Variants in SYN3 observed in about 807,000 individuals in gnomAD.
SYN3 encodes synapsin-3.
In SYN3, 35 loss-of-function variants were observed where a neutral mutation model predicts 65.8. The ratio of observed to expected loss-of-function variants is 0.53; its 90% CI spans 0.41 to 0.70. The LOEUF (loss-of-function observed/expected upper bound fraction) is 0.70. SYN3 is among the 30% of genes least tolerant of loss of function. The probability of loss-of-function intolerance (pLI) is 0.00; values close to 1 mark genes in which losing one functional copy is unlikely to be tolerated. For synonymous variants in SYN3, 270 were observed against 292.9 expected (o/e 0.92, Z 0.80); for missense variants, 680 against 749.0 (o/e 0.91, Z 1.08).
intron 3 of SYN3, among the ~76,000 whole-genome samples, chr22:32,943,867 G>A (rs2051020763): frequency 6.6e-6 from 1 of 152,192 alleles, no homozygotes; most frequent in African/African-American, 2.4e-5. Context: ...TTACATAATG[G>A]TAAAGGGATC....
chr22:32,976,999 G>A (rs796096722), intron 3 of SYN3, among the ~76,000 whole-genome samples: 2 of 151,994 alleles, frequency 1.3e-5, no homozygotes, highest in East Asian at 1.9e-4. Flanking sequence ...ATTCCTGGGG[G>A]GGGGGTTGCT....
chr22:32,537,937 G>A (rs1057219526), intron 9 of SYN3, 99 bp downstream of exon 9: 11 of 1,048,072 alleles, frequency 1.0e-5, no homozygotes, highest in Admixed American at 7.1e-5. Context: ...GGCACTGGAC[G>A]GAGGGCGGAG....
intron 4 of SYN3, among the ~76,000 whole-genome samples, chr22:32,888,438 T>C (rs1454243491): frequency 6.6e-6 from 1 of 152,210 alleles, no homozygotes; most frequent in African/African-American, 2.4e-5. Context: ...CCAAAGGGGC[T>C]GTACCACGTT....
intron 2 of SYN3, among the ~76,000 whole-genome samples, chr22:32,982,420 A>T (rs542896419): frequency 9.9e-5 from 15 of 151,842 alleles, no homozygotes; most frequent in African/African-American, 3.6e-4. Flanking sequence ...TGACATCCCT[A>T]TCTACCCATT....
Position 32,801,094 on chromosome 22 carries a change from C to A in SYN3, c.711+63821G>T, listed in dbSNP as rs2046559788. Among the ~76,000 whole-genome samples, 1 of 152,190 alleles carries A rather than the reference C, an allele frequency of 6.6e-6. No homozygotes were observed. Among genetic ancestry groups the A allele is most frequent in the South Asian group, 2.1e-4 (1 of 4,826 alleles). On this transcript the variant is annotated intron_variant, in intron 6 of 13. Coordinates refer to ENST00000358763, the MANE Select transcript of SYN3 (RefSeq NM_003490.4). This position sits in a 1 kb window ranked among gnomAD's most constrained non-coding sequence, Gnocchi z 4.7. ...GAACCCCGTTTGCTCTGGGAGAGCA[C>A]AGAAAACAGTCTTCTATCATATATC...
chr22:32,586,310 G>C (rs2059041677), intron 7 of SYN3, among the ~76,000 whole-genome samples: 1 of 151,862 alleles, frequency 6.6e-6, no homozygotes, highest in Non-Finnish European at 1.5e-5. Flanking sequence ...TTAAGCCTCT[G>C]GTCACAATAT....
At chr22:32,688,961 G>C (rs1008930624) in intron 6 of SYN3, among the ~76,000 whole-genome samples, 7 of 152,180 alleles carry the variant, frequency 4.6e-5, no homozygotes, top group Non-Finnish European at 7.3e-5. Flanking sequence ...TTGGGCAACC[G>C]ACCTAAGACC....
At chr22:32,882,823 G>A (rs140649300) in intron 4 of SYN3, among the ~76,000 whole-genome samples, 13 of 151,960 alleles carry the variant, frequency 8.6e-5, no homozygotes, top group Middle Eastern at 3.4e-3. Context: ...TTTGCAATAT[G>A]TATATGAATA....
intron 6 of SYN3, among the ~76,000 whole-genome samples, chr22:32,723,764 A>C (rs979983615): frequency 3.3e-5 from 5 of 152,216 alleles, no homozygotes; most frequent in African/African-American, 1.2e-4. Context: ...TGAAACAGGA[A>C]ACTGTTCTAA....
chr22:32,562,601 C>G (rs992266367), intron 7 of SYN3, among the ~76,000 whole-genome samples: 2 of 152,224 alleles, frequency 1.3e-5, no homozygotes, highest in African/African-American at 2.4e-5. Flanking sequence ...GGCTCTGCCC[C>G]CTGTCAGCAC....
At chr22:32,550,298 T>A (rs954708494) in intron 7 of SYN3, among the ~76,000 whole-genome samples, 2 of 151,932 alleles carry the variant, frequency 1.3e-5, no homozygotes, top group Non-Finnish European at 2.9e-5. Flanking sequence ...ACACTAGAAT[T>A]TATTTCTTAA....
intron 1 of SYN3, among the ~76,000 whole-genome samples, chr22:33,045,263 G>A (rs1342536672): frequency 2.0e-5 from 3 of 152,134 alleles, no homozygotes; most frequent in Non-Finnish European, 4.4e-5. Flanking sequence ...CACATGACCT[G>A]TGACAGCACA....
At chr22:32,922,440 G>A (rs146941039) in intron 4 of SYN3, among the ~76,000 whole-genome samples, 13 of 152,320 alleles carry the variant, frequency 8.5e-5, no homozygotes, top group African/African-American at 3.1e-4. Context: ...TGCCTAGCAC[G>A]TAGGAAATGC....
At chr22:32,906,802 CCAGCT>C (rs1284733782) in intron 4 of SYN3, among the ~76,000 whole-genome samples, 2 of 152,146 alleles carry the variant, frequency 1.3e-5, no homozygotes, top group African/African-American at 4.8e-5. Flanking sequence ...ATGATGGCTT[CCAGCT>C]TCATCCATGT....
intron 13 of SYN3, among the ~76,000 whole-genome samples, chr22:32,514,033 A>G (rs2057729847): frequency 6.6e-6 from 1 of 152,206 alleles, no homozygotes; most frequent in Non-Finnish European, 1.5e-5. Context: ...TCTTAGGTTC[A>G]GAAATAGGGG....
intron 12 of SYN3, among the ~76,000 whole-genome samples, chr22:32,521,835 A>G (rs971573758): frequency 1.3e-5 from 2 of 152,130 alleles, no homozygotes; most frequent in African/African-American, 4.8e-5. Context: ...TTTTATCTTC[A>G]GTTTCCCCTG....
intron 6 of SYN3, among the ~76,000 whole-genome samples, chr22:32,765,296 C>T (rs2045593680): frequency 6.6e-6 from 1 of 151,980 alleles, no homozygotes; most frequent in African/African-American, 2.4e-5. Flanking sequence ...GAAAATACAC[C>T]CCATCCCACA....
At chr22:32,601,667 A>G (rs973507554) in intron 6 of SYN3, among the ~76,000 whole-genome samples, 9 of 152,188 alleles carry the variant, frequency 5.9e-5, no homozygotes, top group Non-Finnish European at 1.2e-4. Context: ...AGTGCTGGGG[A>G]CACAGAAGAG....
chr22:32,707,184 T>G (rs2060891554), intron 6 of SYN3, among the ~76,000 whole-genome samples: 1 of 152,178 alleles, frequency 6.6e-6, no homozygotes, highest in Non-Finnish European at 1.5e-5. Flanking sequence ...AGAGAACGCA[T>G]AAAGACTCTC....
Sources: gnomAD v4.1 joint callset for allele counts (sites outside exome capture counted in the v4.1 genomes callset) on GRCh38, gnomAD v4.1.1 for gene constraint, Gnocchi (gnomAD v3.1) non-coding constraint, MANE v1.5 for transcripts, NCBI Gene and HGNC (gene_info 2026-07-23, HGNC 2026-07-21) for gene names.